The following CCDC85C variants were observed in gnomAD, a reference collection of about 807,000 sequenced individuals.
The protein encoded by CCDC85C is coiled-coil domain containing 85C.
CCDC85C carries 18 observed loss-of-function variants against 38.3 expected under a neutral mutation model. The ratio of observed to expected loss-of-function variants is 0.47; its 90% CI spans 0.33 to 0.70. CCDC85C has a LOEUF of 0.70. Among genes scored for constraint, CCDC85C ranks in the 30% least tolerant of loss-of-function variants. The pLI is 0.03. For synonymous variants in CCDC85C, 264 were observed against 293.8 expected (o/e 0.90, Z 1.04); for missense variants, 566 against 621.2 (o/e 0.91, Z 0.94).
rs563364720 is a variant in CCDC85C, at chr14:99,503,222, C to T, written c.*12024G>A. On this transcript the variant is annotated 3_prime_UTR_variant, in exon 6 of 6. Coordinates refer to ENST00000380243, the MANE Select transcript of CCDC85C (RefSeq NM_001144995.2). ...CCGGCTCCAGCCCTGCTGCCTGTTTCATCCCTGCCAGGGTTCTGAAGCCTG... is the reference window on the plus strand; with the variant it reads ...CCGGCTCCAGCCCTGCTGCCTGTTTTATCCCTGCCAGGGTTCTGAAGCCTG... 29 of 676,290 alleles carry T rather than the reference C, an allele frequency of 4.3e-5. No individual in the cohort carries two copies. The South Asian group carries it at 4.4e-4, about 10-fold the overall frequency. The allele number at this position is 676,290 out of a possible 1,614,324, so 41.9% of individuals were successfully genotyped here. A position where few individuals can be genotyped will look rare whatever the true frequency, so the allele number is the denominator to read the frequency against.
Position 99,595,912 on chromosome 14 carries a change from G to A in CCDC85C, c.793+7255C>T, listed in dbSNP as rs185169962. ...GCTGTCAGCACAGTGCCAGGCACAC[G>A]TTTGTTCCATCCAAAAGACTTTCAG... On this transcript the variant is annotated intron_variant, in intron 1 of 5. Transcript: ENST00000380243. 1.3e-3 allele frequency among the ~76,000 whole-genome samples: 195 copies of A among 152,358 alleles called. 1 individual carries two copies. Among genetic ancestry groups the A allele is most frequent in the Non-Finnish European group, 2.1e-3 (140 of 68,032 alleles).
chr14:99,603,746 C>T lies in CCDC85C; in HGVS notation c.214G>A (p.Asp72Asn). ...TCGTCCTGCAGCCGCTGGTTCACGT[C>T]CTTGAGGCCGCGGATCTCCAGCAGG... ...QHLLEIRGLKDVNQRLQDDNQ... is the reference protein window; with the variant it reads ...QHLLEIRGLKNVNQRLQDDNQ... The change falls in exon 1 of 6, where the codon GAC (aspartate) becomes AAC (asparagine). Residue 72 changes from aspartate to asparagine, a missense_variant. Physicochemically the swap from Asp to Asn is conservative, Grantham distance 23 (BLOSUM62 1). Coordinates refer to ENST00000380243, the MANE Select transcript of CCDC85C (RefSeq NM_001144995.2). The surrounding 1 kb of genome is among the most constrained non-coding windows in gnomAD (Gnocchi z 7.5). The T allele has an allele frequency of 6.6e-7, 1 of 1,524,424 alleles. No individual in the cohort carries two copies. The highest frequency in any genetic ancestry group is 8.8e-7 in the Non-Finnish European group (1 of 1,141,822). 94.4% of individuals were successfully genotyped at this position (1,524,424 alleles called of 1,614,324 possible).
rs1896903628 is a variant in CCDC85C, at chr14:99,503,809, T to G, written c.*11437A>C. 1 of 611,452 alleles carries G rather than the reference T, an allele frequency of 1.6e-6. No homozygotes were observed. Among genetic ancestry groups the G allele is most frequent in the African/African-American group, 1.9e-5 (1 of 53,860 alleles). 37.9% of individuals were successfully genotyped at this position (611,452 alleles called of 1,614,324 possible). On this transcript the variant is annotated 3_prime_UTR_variant, in exon 6 of 6. Transcript: ENST00000380243. ...CATTGTCTTTCTGTTCATCACCTGATCATAGATTCTAAAATTGTGCTCTTA... is the reference window on the plus strand; with the variant it reads ...CATTGTCTTTCTGTTCATCACCTGAGCATAGATTCTAAAATTGTGCTCTTA...
chr14:99,546,689 G>A (rs1156880159), intron 1 of CCDC85C, among the ~76,000 whole-genome samples: 2 of 152,144 alleles, frequency 1.3e-5, no homozygotes, highest in Admixed American at 1.3e-4. Flanking sequence ...GGAGAGGCAA[G>A]GTGGAGCCCA....
chr14:99,568,092 G>C (rs1234587006), intron 1 of CCDC85C, among the ~76,000 whole-genome samples: 2 of 152,048 alleles, frequency 1.3e-5, no homozygotes, highest in Non-Finnish European at 2.9e-5. Flanking sequence ...GTCCCTTTAG[G>C]CAGAGAGGCA....
chr14:99,592,839 T>C (rs2055101560), intron 1 of CCDC85C, among the ~76,000 whole-genome samples: 1 of 151,888 alleles, frequency 6.6e-6, no homozygotes. Context: ...AAGGAGACAA[T>C]GGCGGAAGCG....
rs1264604832 is a variant in CCDC85C, at chr14:99,512,406, G to C, written c.*2840C>G. ...GAAAAATATACACCTCTACCGCTCT[G>C]CAGTCATGCATTTAGTTTTAAGAAA... On this transcript the variant is annotated 3_prime_UTR_variant, in exon 6 of 6. Coordinates refer to ENST00000380243, the MANE Select transcript of CCDC85C (RefSeq NM_001144995.2). The C allele has an allele frequency of 6.6e-6, 1 of 150,590 alleles. No homozygotes were observed. Among genetic ancestry groups the C allele is most frequent in the Non-Finnish European group, 1.5e-5 (1 of 67,948 alleles). The allele number at this position is 150,590 out of a possible 1,614,324, so 9.3% of individuals were successfully genotyped here.
chr14:99,591,578 A>C (rs1042093940), intron 1 of CCDC85C, among the ~76,000 whole-genome samples: 1 of 152,082 alleles, frequency 6.6e-6, no homozygotes, highest in Non-Finnish European at 1.5e-5. Flanking sequence ...CGGGGGGGCC[A>C]CCTGAGGGCC....
At chr14:99,551,791 G>A (rs34699335) in intron 1 of CCDC85C, among the ~76,000 whole-genome samples, 80,106 of 151,136 alleles carry the variant, frequency 0.53, 21,393 homozygotes, top group African/African-American at 0.58. Context: ...GGCTGAGACC[G>A]GAGTCCACCA....
At chr14:99,552,859 T>C (rs1897938646) in intron 1 of CCDC85C, among the ~76,000 whole-genome samples, 1 of 152,210 alleles carries the variant, frequency 6.6e-6, no homozygotes, top group African/African-American at 2.4e-5. Context: ...GAAAACCCGG[T>C]GCTTCCTGCA....
rs1896901604 is a variant in CCDC85C, at chr14:99,503,746, A to G, written c.*11500T>C. The G allele has an allele frequency of 9.7e-7, 1 of 1,034,480 alleles. No individual in the cohort carries two copies. The highest frequency in any genetic ancestry group is 1.4e-6 in the Non-Finnish European group (1 of 699,678). The allele number at this position is 1,034,480 out of a possible 1,614,324, so 64.1% of individuals were successfully genotyped here. A position where few individuals can be genotyped will look rare whatever the true frequency, so the allele number is the denominator to read the frequency against. Reference sequence around the variant, plus strand: ...CTTTTCAGATCTAAATTGGCCTTAAATCTTAACTTTAGAGCTCATACAAAA... The same window carrying G: ...CTTTTCAGATCTAAATTGGCCTTAAGTCTTAACTTTAGAGCTCATACAAAA... On this transcript the variant is annotated 3_prime_UTR_variant, in exon 6 of 6. Transcript: ENST00000380243.
At position 99,511,298 on chromosome 14, in the gene CCDC85C, T is replaced by C. The variant is rs916087748; in HGVS notation, c.*3948A>G. The C allele has an allele frequency of 6.6e-6, 1 of 152,134 alleles. No individual in the cohort carries two copies. Among genetic ancestry groups the C allele is most frequent in the Non-Finnish European group, 1.5e-5 (1 of 68,022 alleles). The allele number at this position is 152,134 out of a possible 1,614,324, so 9.4% of individuals were successfully genotyped here. A position where few individuals can be genotyped will look rare whatever the true frequency, so the allele number is the denominator to read the frequency against. On this transcript the variant is annotated 3_prime_UTR_variant, in exon 6 of 6. Coordinates refer to ENST00000380243, the MANE Select transcript of CCDC85C (RefSeq NM_001144995.2). ...TTGCATCCTTTGTATTAAAATTATT[T>C]TGAAGGGGTTGCCTCATTGGATGGC... is the stretch of plus-strand genomic sequence containing the variant.
chr14:99,579,274 G>A (rs535772482), intron 1 of CCDC85C, among the ~76,000 whole-genome samples: 73 of 152,372 alleles, frequency 4.8e-4, no homozygotes, highest in African/African-American at 1.7e-3. Context: ...GAGAAGTGGC[G>A]GGGCTGCCCC....
Position 99,513,042 on chromosome 14 carries a change from G to C in CCDC85C, c.*2204C>G, listed in dbSNP as rs1897164109. The C allele has an allele frequency of 6.6e-6, 1 of 152,236 alleles. No homozygotes were observed. The highest frequency in any genetic ancestry group is 1.5e-5 in the Non-Finnish European group (1 of 68,054). The allele number at this position is 152,236 out of a possible 1,614,324, so 9.4% of individuals were successfully genotyped here. A position where few individuals can be genotyped will look rare whatever the true frequency, so the allele number is the denominator to read the frequency against. On this transcript the variant is annotated 3_prime_UTR_variant, in exon 6 of 6. Transcript: ENST00000380243. ...TGTGCTGCCTCCGTAACAGCAGGAGGGTTCTCAAAGCAATGTTCCACTGAT... is the reference window on the plus strand; with the variant it reads ...TGTGCTGCCTCCGTAACAGCAGGAGCGTTCTCAAAGCAATGTTCCACTGAT...
chr14:99,534,542 G>C (rs1040059386), intron 2 of CCDC85C: 1 of 687,904 alleles, frequency 1.5e-6, no homozygotes, highest in South Asian at 1.6e-5. Flanking sequence ...TTGCTCTGCA[G>C]AGCAGTAGCC....
intron 1 of CCDC85C, among the ~76,000 whole-genome samples, chr14:99,585,629 C>T (rs1484070688): frequency 6.6e-6 from 1 of 152,234 alleles, no homozygotes; most frequent in East Asian, 1.9e-4. Flanking sequence ...AGAGCCCATA[C>T]AATGGGATGA....
intron 1 of CCDC85C, among the ~76,000 whole-genome samples, chr14:99,598,287 G>A (rs2055164383): frequency 1.3e-5 from 2 of 152,260 alleles, no homozygotes; most frequent in South Asian, 2.1e-4. Context: ...AATTCTCTGC[G>A]CAAATGAAGG....
chr14:99,589,146 G>T (rs11847063), intron 1 of CCDC85C, among the ~76,000 whole-genome samples: 1 of 151,724 alleles, frequency 6.6e-6, no homozygotes, highest in Non-Finnish European at 1.5e-5. Flanking sequence ...ACAGAGCCAC[G>T]GCCCAGATCA....
Position 99,572,109 on chromosome 14 carries a change from G to A in CCDC85C, c.793+31058C>T, listed in dbSNP as rs1402251575. 1.1e-4 allele frequency among the ~76,000 whole-genome samples: 16 copies of A among 152,128 alleles called. No individual in the cohort carries two copies. The highest frequency in any genetic ancestry group is 2.2e-4 in the Non-Finnish European group (15 of 68,014). On this transcript the variant is annotated intron_variant, in intron 1 of 5. Transcript: ENST00000380243. The surrounding 1 kb of genome is among the most constrained non-coding windows in gnomAD (Gnocchi z 4.4). ...CACCCGCAAGTCTCTGGAAGGCAGC[G>A]GCAAGGGCCAGATTCCCCACATACC... is the stretch of plus-strand genomic sequence containing the variant.
Sources: allele counts gnomAD v4.1 joint callset (sites outside exome capture counted in the v4.1 genomes callset), GRCh38; gene constraint gnomAD v4.1.1; non-coding constraint Gnocchi (gnomAD v3.1); transcripts MANE v1.5; gene names NCBI Gene and HGNC (gene_info 2026-07-23, HGNC 2026-07-21).